PTAFR: variants seen among roughly 807,000 people sequenced by gnomAD.
PTAFR encodes platelet activating factor receptor, also known as platelet-activating factor receptor.
PTAFR carries 8 observed loss-of-function variants against 14.7 expected under a neutral mutation model. That is an observed-to-expected ratio of 0.54 (90% CI 0.32 to 0.98). The LOEUF (loss-of-function observed/expected upper bound fraction) is 0.98, where lower values mean the gene tolerates loss of function less well. PTAFR is among the 50% of genes least tolerant of loss of function. The pLI is 0.04. For missense variants in PTAFR, 337 were observed against 451.2 expected (o/e 0.75, Z 2.29); for synonymous variants, 156 against 176.5 (o/e 0.88, Z 0.92).
At chr1:28,178,255 AT>A (rs1217994141), upstream of PTAFR, among the ~76,000 whole-genome samples, 1 of 151,698 alleles carries the variant, frequency 6.6e-6, no homozygotes, top group Non-Finnish European at 1.5e-5. Context: ...CACTTTTTTT[AT>A]TTTTTTATTT....
Position 28,149,845 on chromosome 1 carries a change from C to A in PTAFR, c.*148G>T, listed in dbSNP as rs1646157724. On this transcript the variant is annotated 3_prime_UTR_variant, in exon 2 of 2. Coordinates refer to ENST00000373857, the MANE Select transcript of PTAFR (RefSeq NM_000952.5). ...TTTTCCAACAGCCTGGCTCTGCCAT[C>A]ATCCCTGCCCAGGTGAGGTAGCCTC... 2.8e-6 allele frequency: 3 copies of A among 1,083,950 alleles called. No homozygotes were observed. Among genetic ancestry groups the A allele is most frequent in the Non-Finnish European group, 3.9e-6 (3 of 766,944 alleles). 67.1% of individuals were successfully genotyped at this position (1,083,950 alleles called of 1,614,324 possible). A position where few individuals can be genotyped will look rare whatever the true frequency, so the allele number is the denominator to read the frequency against.
upstream of PTAFR, among the ~76,000 whole-genome samples, chr1:28,177,699 A>G (rs1646529260): frequency 6.6e-6 from 1 of 150,872 alleles, no homozygotes; most frequent in Admixed American, 6.6e-5. Flanking sequence ...TTTTCTGAAA[A>G]CAGGTTTGAT....
intron 1 of PTAFR, among the ~76,000 whole-genome samples, chr1:28,168,815 T>C (rs188702899): frequency 6.6e-6 from 1 of 152,122 alleles, no homozygotes; most frequent in East Asian, 1.9e-4. Flanking sequence ...ATTACAGGCA[T>C]GCACCACCAC....
intron 1 of PTAFR, among the ~76,000 whole-genome samples, chr1:28,189,527 C>T (rs945239369): frequency 1.3e-5 from 2 of 151,674 alleles, no homozygotes; most frequent in Admixed American, 6.6e-5. Flanking sequence ...GCAGGAGAAT[C>T]GCTTGAACCC....
intron 1 of PTAFR, among the ~76,000 whole-genome samples, chr1:28,172,216 AT>A: frequency 6.6e-6 from 1 of 152,292 alleles, no homozygotes. Context: ...GGTTTTCACC[AT>A]GCTGGCCAGG....
At chr1:28,158,026 T>C (rs12024496) in intron 1 of PTAFR, among the ~76,000 whole-genome samples, 1 of 152,302 alleles carries the variant, frequency 6.6e-6, no homozygotes, top group East Asian at 1.9e-4. Flanking sequence ...ATGCATTCGT[T>C]GGACAAGCAC....
chr1:28,180,980 A>AT (rs549466114), upstream of PTAFR, among the ~76,000 whole-genome samples: 53 of 152,148 alleles, frequency 3.5e-4, no homozygotes, highest in African/African-American at 1.3e-3. Flanking sequence ...TTATTTATTT[A>AT]TTTTTTTGAG....
intron 1 of PTAFR, among the ~76,000 whole-genome samples, chr1:28,172,973 G>A (rs1212350722): frequency 6.6e-6 from 1 of 152,034 alleles, no homozygotes; most frequent in Non-Finnish European, 1.5e-5. Flanking sequence ...TTTATGAACT[G>A]TGAAAGGTAG....
At position 28,158,795 on chromosome 1, in the gene PTAFR, C is replaced by A. The variant is rs548299800; in HGVS notation, c.-38-7736G>T. ...CAGACAATGGGAGTTATTGAAGGAT[C>A]TTGAGCTTGGAAGGGACAAGACTGG... On this transcript the variant is annotated intron_variant, in intron 1 of 1. Coordinates refer to ENST00000373857, the MANE Select transcript of PTAFR (RefSeq NM_000952.5). Among the ~76,000 whole-genome samples the A allele has an allele frequency of 2.6e-5, 4 of 152,166 alleles. No individual in the cohort carries two copies. The South Asian group carries it at 8.3e-4, about 32-fold the overall frequency.
At chr1:28,174,077 A>T (rs539541779) in intron 1 of PTAFR, among the ~76,000 whole-genome samples, 1 of 152,156 alleles carries the variant, frequency 6.6e-6, no homozygotes, top group African/African-American at 2.4e-5. Context: ...ACAGACACAC[A>T]TGCACACACA....
At chr1:28,160,481 T>A (rs534715958) in intron 1 of PTAFR, among the ~76,000 whole-genome samples, 1 of 150,318 alleles carries the variant, frequency 6.7e-6, no homozygotes, top group East Asian at 2.0e-4. Flanking sequence ...GGAAGGAGGA[T>A]GGGTCAGGAA....
intron 1 of PTAFR, among the ~76,000 whole-genome samples, chr1:28,154,979 G>A (rs1646247139): frequency 6.6e-6 from 1 of 152,100 alleles, no homozygotes; most frequent in South Asian, 2.1e-4. Context: ...AGTGCGGCAA[G>A]AGCTTGGTGG....
chr1:28,158,786 T>C (rs1303403833), intron 1 of PTAFR, among the ~76,000 whole-genome samples: 5 of 152,216 alleles, frequency 3.3e-5, no homozygotes, highest in South Asian at 2.1e-4. Flanking sequence ...ATGGGAGTTA[T>C]TGAAGGATCT....
At chr1:28,175,160 C>A (rs1430729282) in intron 1 of PTAFR, among the ~76,000 whole-genome samples, 1 of 152,160 alleles carries the variant, frequency 6.6e-6, no homozygotes, top group East Asian at 1.9e-4. Context: ...GATCTACCCG[C>A]CTCGGCCTCC....
intron 1 of PTAFR, 59 bp from the exon 2 acceptor site, chr1:28,151,118 C>A (rs924108294): frequency 3.1e-6 from 3 of 959,340 alleles, no homozygotes; most frequent in Non-Finnish European, 4.7e-6. Context: ...TGTTCCATTT[C>A]ATCAGTTCCA....
rs143304078 is a variant in PTAFR, at chr1:28,150,120, C to T, written c.902G>A (p.Arg301His). 9.9e-6 allele frequency: 16 copies of T among 1,614,016 alleles called. No homozygotes were observed. Among genetic ancestry groups the T allele is most frequent in the Admixed American group, 1.7e-5 (1 of 59,994 alleles). Residue 301 changes from arginine to histidine, a missense_variant, in exon 2 of 2, where the codon CGC (arginine) becomes CAC (histidine). Arg to His is a conservative substitution (Grantham distance 29). Coordinates refer to ENST00000373857, the MANE Select transcript of PTAFR (RefSeq NM_000952.5). The surrounding 1 kb of genome is among the most constrained non-coding windows in gnomAD (Gnocchi z 6.3). ...GTAGAACTTTTCGGTGAGGTGCTTG[C>T]GGAACTTCTTGGTGAGGAAACAGTA... ...VIYCFLTKKF[R>H]KHLTEKFYSM...
intron 1 of PTAFR, among the ~76,000 whole-genome samples, chr1:28,168,148 T>C (rs28810228): frequency 2.3e-4 from 34 of 145,674 alleles, no homozygotes; most frequent in African/African-American, 8.7e-4. Context: ...TTTTTTTGTA[T>C]TTTTAGTAGA....
chr1:28,184,711 C>T (rs1267696858), intron 1 of PTAFR, among the ~76,000 whole-genome samples: 1 of 152,118 alleles, frequency 6.6e-6, no homozygotes, highest in Non-Finnish European at 1.5e-5. Context: ...GCAATCTCAG[C>T]TCACTGCAAC....
chr1:28,192,197 G>A (rs917392025), intron 1 of PTAFR, among the ~76,000 whole-genome samples: 1 of 152,064 alleles, frequency 6.6e-6, no homozygotes, highest in African/African-American at 2.4e-5. Context: ...ACCTCTCTGA[G>A]CCTATTTCCA....
Sources: allele counts gnomAD v4.1 joint callset (sites outside exome capture counted in the v4.1 genomes callset), GRCh38; gene constraint gnomAD v4.1.1; non-coding constraint Gnocchi (gnomAD v3.1); transcripts MANE v1.5; gene names NCBI Gene and HGNC (gene_info 2026-07-23, HGNC 2026-07-21).